Variants in GNL3 observed in about 807,000 individuals in gnomAD.
The protein encoded by GNL3 is G protein nucleolar 3, also known as guanine nucleotide-binding protein-like 3.
A neutral mutation model predicts 70.6 loss-of-function variants in GNL3; 77 were observed. That is an observed-to-expected ratio of 1.09 (90% CI 0.91 to 1.32). The LOEUF is 1.32. Among genes scored for constraint, GNL3 ranks in the 40% most tolerant of loss-of-function variants. GNL3 has a pLI of 0.00. For missense variants in GNL3, 634 were observed against 644.0 expected (o/e 0.98, Z 0.17); for synonymous variants, 252 against 216.1 (o/e 1.17, Z -1.46).
At chr3:52,688,384 T>C (rs1480601055) in intron 5 of GNL3, among the ~76,000 whole-genome samples, 192 bp downstream of exon 5, 2 of 152,214 alleles carry the variant, frequency 1.3e-5, no homozygotes, top group Admixed American at 1.3e-4. Flanking sequence ...TAGTTATCTT[T>C]CCTGATCCTC....
intron 4 of GNL3, 176 bp downstream of exon 4, chr3:52,687,791 C>CTGGCTAAT: frequency 1.7e-6 from 1 of 604,132 alleles, no homozygotes; most frequent in Non-Finnish European, 3.0e-6. Flanking sequence ...ACCATCACGC[C>CTGGCTAAT]TGGCTAATTT....
rs1327838887 is a variant in GNL3 at position 52,689,070 on chromosome 3, A to G, written c.409-4A>G. 5.0e-6 allele frequency: 8 copies of G among 1,611,180 alleles called. No homozygotes were observed. The highest frequency in any genetic ancestry group is 6.8e-6 in the Non-Finnish European group (8 of 1,178,274). The stretch of plus-strand genomic sequence containing the variant: ...TGTAGTTCTGGTCATTTTTTCCTTG[A>G]TAGGTGATTGAAGCCTCCGATGTTG... On this transcript the variant is annotated splice_polypyrimidine_tract_variant and splice_region_variant and intron_variant, in intron 5 of 14. Transcript: ENST00000418458.
At chr3:52,689,474 A>G (rs2154099536) in intron 6 of GNL3, among the ~76,000 whole-genome samples, 1 of 152,348 alleles carries the variant, frequency 6.6e-6, no homozygotes, top group Middle Eastern at 3.4e-3. Flanking sequence ...TGTGTAGTAT[A>G]TTTCATCTAG....
At position 52,693,549 on chromosome 3, in the gene GNL3, G is replaced by C. The variant is rs999655790; in HGVS notation, c.1324+5G>C. The C allele has an allele frequency of 1.2e-6, 2 of 1,614,196 alleles. No homozygotes were observed. ...ACAATGCACAGAGCATAAGAGGTGA[G>C]AATTGTGTGTCGCTGCTGTCTTCAT... On this transcript the variant is annotated splice_donor_5th_base_variant and intron_variant, in intron 12 of 14. Coordinates refer to ENST00000418458, the MANE Select transcript of GNL3 (RefSeq NM_014366.5).
In GNL3 at chr3:52,687,323, TC is replaced by T. The variant is rs1444074331; in HGVS notation, c.152del (p.Pro51GlnfsTer16). The T allele has an allele frequency of 6.2e-7, 1 of 1,613,498 alleles. No homozygotes were observed. The highest frequency in any genetic ancestry group is 8.5e-7 in the Non-Finnish European group (1 of 1,179,512). On this transcript the variant is annotated frameshift_variant, in exon 3 of 15. Transcript: ENST00000418458. LOFTEE classifies it high-confidence loss of function. ...AGAAGCCTAGGAAAGACCCAGGAGT[TC>T]CAAACAGTGCTCCCTTTAAGGAGGC... ...HKKPRKDPGV[P>X]NSAPFKEALL...
At position 52,693,587 on chromosome 3, in the gene GNL3, C is replaced by T; in HGVS notation, c.1324+43C>T. 2.5e-6 allele frequency: 4 copies of T among 1,613,816 alleles called. No individual in the cohort carries two copies. The South Asian group carries it at 4.4e-5, about 18-fold the overall frequency. ...CTGCTGTCTTCATCAGCTGACAGGCCAGTGGAGCTCTTACCTGTTTACATG... is the reference window on the plus strand; with the variant it reads ...CTGCTGTCTTCATCAGCTGACAGGCTAGTGGAGCTCTTACCTGTTTACATG... On this transcript the variant is annotated intron_variant, in intron 12 of 14. Transcript: ENST00000418458.
chr3:52,693,906 T>C, intron 13 of GNL3, 99 bp downstream of exon 13: 2 of 1,306,836 alleles, frequency 1.5e-6, no homozygotes, highest in South Asian at 1.3e-5. Flanking sequence ...AGGCTTGTGA[T>C]CCATTAGCCT....
intron 12 of GNL3, 39 bp from the exon 13 acceptor site, chr3:52,693,593 A>G (rs1390007664): frequency 6.2e-7 from 1 of 1,613,684 alleles, no homozygotes; most frequent in South Asian, 1.1e-5. Context: ...AGGCCAGTGG[A>G]GCTCTTACCT....
In GNL3 at chr3:52,686,037, A is replaced by C. The variant is rs564137189; in HGVS notation, c.-56A>C. ...TGACGCTCGTCAGTGGCTTCAGTTCACACGTGGCGCCAGCGGAGGCAGGTT... is the reference window on the plus strand; with the variant it reads ...TGACGCTCGTCAGTGGCTTCAGTTCCCACGTGGCGCCAGCGGAGGCAGGTT... On this transcript the variant is annotated 5_prime_UTR_variant, in exon 1 of 15. Transcript: ENST00000418458. 1.2e-6 allele frequency: 1 copy of C among 862,918 alleles called. No homozygotes were observed. Among genetic ancestry groups the C allele is most frequent in the Non-Finnish European group, 2.0e-6 (1 of 493,624 alleles). 53.5% of individuals were successfully genotyped at this position (862,918 alleles called of 1,614,324 possible). A position where few individuals can be genotyped will look rare whatever the true frequency, so the allele number is the denominator to read the frequency against.
At chr3:52,689,345 C>CT (rs761248442) in intron 6 of GNL3, 139 bp downstream of exon 6, 1 of 843,058 alleles carries the variant, frequency 1.2e-6, no homozygotes, top group East Asian at 2.4e-5. Context: ...AGAGACAGTG[C>CT]TAGGCAGTGG....
chr3:52,693,221 AT>A lies in GNL3; in HGVS notation c.1081del (p.Ser361LeufsTer39). 1 of 1,613,770 alleles carries A rather than the reference AT, an allele frequency of 6.2e-7. No homozygotes were observed. The highest frequency in any genetic ancestry group is 8.5e-7 in the Non-Finnish European group (1 of 1,179,842). On this transcript the variant is annotated frameshift_variant, in exon 11 of 15. Coordinates refer to ENST00000418458, the MANE Select transcript of GNL3 (RefSeq NM_014366.5). LOFTEE classifies it high-confidence loss of function. ...VLKYTVPGYR[N>X]SLEFFTVLAQ... The stretch of plus-strand genomic sequence containing the variant: ...AAATATACTGTCCCAGGCTACAGGA[AT>A]TCTCTGGAATTTTTTACTGTGCTTG...
In GNL3 at chr3:52,690,829, T is replaced by G; in HGVS notation, c.655-116T>G. 2.5e-6 allele frequency: 3 copies of G among 1,198,696 alleles called. No individual in the cohort carries two copies. The South Asian group carries it at 3.9e-5, about 16-fold the overall frequency. The allele number at this position is 1,198,696 out of a possible 1,614,324, so 74.3% of individuals were successfully genotyped here. Reference sequence around the variant, plus strand: ...ATCCAACTCTGATTTCAGCCAGAGATCATCTGAAAGGCAATGTAGTTATCT... The same window carrying G: ...ATCCAACTCTGATTTCAGCCAGAGAGCATCTGAAAGGCAATGTAGTTATCT... On this transcript the variant is annotated intron_variant, in intron 7 of 14. Transcript: ENST00000418458.
At chr3:52,687,049 T>C in intron 2 of GNL3, 197 bp from the exon 3 acceptor site, 1 of 632,498 alleles carries the variant, frequency 1.6e-6, no homozygotes, top group Non-Finnish European at 2.8e-6. Context: ...AATCTCTGCA[T>C]AGAGAGCCTT....
In GNL3 at chr3:52,694,018, ATTT is replaced by A. The variant is rs1355951728; in HGVS notation, c.1501-16_1501-14del. ...AGACAAGGGCTACTAATCCAGCACT[ATTT>A]TTCTTTGTCACACAGGAAAACAGCT... On this transcript the variant is annotated splice_polypyrimidine_tract_variant and intron_variant, in intron 13 of 14. Transcript: ENST00000418458. 2 of 1,605,024 alleles carry A rather than the reference ATTT, an allele frequency of 1.2e-6. No individual in the cohort carries two copies. The highest frequency in any genetic ancestry group is 4.5e-5 in the East Asian group (2 of 44,832).
rs1418659214 is a variant in GNL3 at position 52,687,331 on chromosome 3, G to A, written c.158G>A (p.Ser53Asn). The A allele has an allele frequency of 5.6e-6, 9 of 1,613,718 alleles. No homozygotes were observed. The highest frequency in any genetic ancestry group is 6.8e-6 in the Non-Finnish European group (8 of 1,179,582). Residue 53 changes from serine (S) to asparagine (N), a missense_variant, in exon 3 of 15, where the codon AGT becomes AAT. Physicochemically the swap from Ser to Asn is conservative, Grantham distance 46 (BLOSUM62 1). Transcript: ENST00000418458. The stretch of plus-strand genomic sequence containing the variant: ...AGGAAAGACCCAGGAGTTCCAAACA[G>A]TGCTCCCTTTAAGGAGGCTCTTCTT... ...KPRKDPGVPN[S>N]APFKEALLRE...
In GNL3 at chr3:52,687,555, G is replaced by C. The variant is rs1257946215; in HGVS notation, c.264G>C (p.Lys88Asn). ...QKLDRQKELE[K>N]KRKLETNPDI... Reference sequence around the variant, plus strand: ...TTGACAGGCAGAAGGAACTAGAAAAGAAAAGAAAACTTGAAACTAATCCTG... The same window carrying C: ...TTGACAGGCAGAAGGAACTAGAAAACAAAAGAAAACTTGAAACTAATCCTG... The change falls in exon 4 of 15, where the codon AAG becomes AAC. Residue 88 changes from lysine (K) to asparagine (N), a missense_variant. By Grantham distance (94) the Lys-to-Asn change is moderately conservative. Transcript: ENST00000418458. 1 of 1,613,756 alleles carries C rather than the reference G, an allele frequency of 6.2e-7. No homozygotes were observed.
chr3:52,694,381 A>C lies in GNL3; in HGVS notation c.*106A>C. 1 of 642,610 alleles carries C rather than the reference A, an allele frequency of 1.6e-6. No homozygotes were observed. The highest frequency in any genetic ancestry group is 2.7e-6 in the Non-Finnish European group (1 of 366,590). 39.8% of individuals were successfully genotyped at this position (642,610 alleles called of 1,614,324 possible). On this transcript the variant is annotated 3_prime_UTR_variant, in exon 15 of 15. Coordinates refer to ENST00000418458, the MANE Select transcript of GNL3 (RefSeq NM_014366.5). ...CATGAGCTGTGTAAATTTTGTGAAT[A>C]TGTATTATATTAAAACCAGGCAACT...
chr3:52,694,111 A>G lies in GNL3; in HGVS notation c.1567+8A>G, dbSNP rs758125840. ...CTGAGGAGACTACAGCAGGTGAGGCAGGCAAAAGGGGTTCTAACGAAGCAG... is the reference window on the plus strand; with the variant it reads ...CTGAGGAGACTACAGCAGGTGAGGCGGGCAAAAGGGGTTCTAACGAAGCAG... On this transcript the variant is annotated splice_region_variant and intron_variant, in intron 14 of 14. Coordinates refer to ENST00000418458, the MANE Select transcript of GNL3 (RefSeq NM_014366.5). The G allele has an allele frequency of 6.2e-7, 1 of 1,608,940 alleles. No individual in the cohort carries two copies. The highest frequency in any genetic ancestry group is 2.2e-5 in the East Asian group (1 of 44,868).
chr3:52,694,369 A>G lies in GNL3; in HGVS notation c.*94A>G. On this transcript the variant is annotated 3_prime_UTR_variant, in exon 15 of 15. Coordinates refer to ENST00000418458, the MANE Select transcript of GNL3 (RefSeq NM_014366.5). Reference sequence around the variant, plus strand: ...AGTTATGGTATGCATGAGCTGTGTAAATTTTGTGAATATGTATTATATTAA... The same window carrying G: ...AGTTATGGTATGCATGAGCTGTGTAGATTTTGTGAATATGTATTATATTAA... The G allele has an allele frequency of 1.5e-6, 1 of 674,336 alleles. No individual in the cohort carries two copies. The highest frequency in any genetic ancestry group is 2.6e-6 in the Non-Finnish European group (1 of 390,510). 41.8% of individuals were successfully genotyped at this position (674,336 alleles called of 1,614,324 possible).
Sources: allele counts gnomAD v4.1 joint callset (sites outside exome capture counted in the v4.1 genomes callset), GRCh38; gene constraint gnomAD v4.1.1; transcripts MANE v1.5; gene names NCBI Gene and HGNC (gene_info 2026-07-23, HGNC 2026-07-21).